Variants in CFAP251 observed in about 807,000 individuals in gnomAD.
The protein encoded by CFAP251 is cilia and flagella associated protein 251, also known as cilia- and flagella-associated protein 251.
Under a neutral mutation model 126.7 loss-of-function variants are expected in CFAP251, and 93 were observed. The observed-to-expected ratio is 0.73, with a 90% CI of 0.62 to 0.87. CFAP251 has a LOEUF of 0.87. Ranked by LOEUF, CFAP251 falls within the 40% of genes least tolerant of loss-of-function variation. The pLI, the probability that CFAP251 is intolerant of heterozygous loss-of-function variation, is 0.00. For synonymous variants in CFAP251, 503 were observed against 506.9 expected, an observed-to-expected ratio of 0.99 and a Z score of 0.10; for missense variants, 1,287 against 1,389.2, an observed-to-expected ratio of 0.93 and a Z score of 1.17.
Position 121,957,176 on chromosome 12 carries a change from T to A in CFAP251, c.1638T>A (p.Thr546=). 6.2e-7 allele frequency: 1 copy of A among 1,614,132 alleles called. No homozygotes were observed. The highest frequency in any genetic ancestry group is 8.5e-7 in the Non-Finnish European group (1 of 1,180,024). Residue 546 remains threonine (T), a synonymous_variant, in exon 11 of 22, where the codon ACT becomes ACA. Coordinates refer to ENST00000288912, the MANE Select transcript of CFAP251 (RefSeq NM_144668.6). ...YSHLKLGAIR[T]LSFSKTPATP... is the part of the protein sequence containing the mutation. ...ACTTGAAACTGGGCGCCATAAGAAC[T>A]CTGTCCTTTTCAAAGACCCCAGCAA...
rs2135741551 is a variant in CFAP251 at position 121,921,515 on chromosome 12, A to G, written c.210A>G (p.Lys70=). The G allele has an allele frequency of 2.8e-6, 2 of 709,620 alleles. No individual in the cohort carries two copies. Among genetic ancestry groups the G allele is most frequent in the Non-Finnish European group, 3.9e-6 (2 of 509,550 alleles). 44.0% of individuals were successfully genotyped at this position (709,620 alleles called of 1,614,324 possible). The change falls in exon 2 of 22, where the codon AAA becomes AAG. Residue 70 remains lysine, a synonymous_variant. Coordinates refer to ENST00000288912, the MANE Select transcript of CFAP251 (RefSeq NM_144668.6). ...GGGAGGAGGAGGGGAAGGAGGACAA[A>G]AAGATTGTCATGGAAGAAACTGAGG... ...EEGEEEGKED[K]KIVMEETEEK...
intron 16 of CFAP251, 111 bp downstream of exon 16, chr12:121,967,180 A>G (rs907974027): frequency 5.9e-5 from 55 of 933,386 alleles, no homozygotes; most frequent in East Asian, 1.6e-4. Context: ...GCCAAGCCCA[A>G]CTGCTTCCAC....
chr12:121,992,149 T>C, intron 19 of CFAP251: 1 of 964,814 alleles, frequency 1.0e-6, no homozygotes, highest in Non-Finnish European at 1.2e-6. Context: ...GCCGCTCAGC[T>C]AGGACTCCTG....
In CFAP251 at chr12:121,968,121, C is replaced by T. The variant is rs1882211857; in HGVS notation, c.2723C>T (p.Thr908Ile). ...AVSYDGCYAF[T>I]AGGHDRSVVQ... ...TCCTATGATGGCTGCTACGCCTTCACTGCGGGAGGGCACGATCGCTCGGTG... is the reference window on the plus strand; with the variant it reads ...TCCTATGATGGCTGCTACGCCTTCATTGCGGGAGGGCACGATCGCTCGGTG... Residue 908 changes from threonine to isoleucine, a missense_variant, in exon 17 of 22, where the codon ACT (threonine) becomes ATT (isoleucine). By Grantham distance (89) the Thr-to-Ile change is moderately conservative. Coordinates refer to ENST00000288912, the MANE Select transcript of CFAP251 (RefSeq NM_144668.6). 6.2e-7 allele frequency: 1 copy of T among 1,613,234 alleles called. No individual in the cohort carries two copies. Among genetic ancestry groups the T allele is most frequent in the Non-Finnish European group, 8.5e-7 (1 of 1,179,278 alleles).
chr12:121,993,201 G>A (rs1269712314), intron 19 of CFAP251, among the ~76,000 whole-genome samples: 968 of 104,138 alleles, frequency 9.3e-3, no homozygotes, highest in African/African-American at 0.013. Flanking sequence ...GCCCCTAACC[G>A]CGAGTGATCC....
chr12:121,979,288 C>CT (rs1193036075), intron 19 of CFAP251, among the ~76,000 whole-genome samples: 5 of 152,194 alleles, frequency 3.3e-5, no homozygotes, highest in Admixed American at 2.0e-4. Context: ...ATAAGCAACT[C>CT]TGAGAAAGTT....
intron 3 of CFAP251, among the ~76,000 whole-genome samples, chr12:121,927,049 A>G (rs1429234893): frequency 6.6e-6 from 1 of 152,160 alleles, no homozygotes; most frequent in South Asian, 2.1e-4. Flanking sequence ...ACCCCCACCC[A>G]ATCTCATTTC....
In CFAP251 at chr12:121,948,968, A is replaced by T; in HGVS notation, c.1192-16A>T. 6.9e-7 allele frequency: 1 copy of T among 1,452,616 alleles called. No individual in the cohort carries two copies. The allele number at this position is 1,452,616 out of a possible 1,614,324, so 90.0% of individuals were successfully genotyped here. ...GAAAATTTATCATTAATGTATTTTC[A>T]TACTTTATATTTCAGAACTACGTTA... On this transcript the variant is annotated splice_polypyrimidine_tract_variant and intron_variant, in intron 7 of 21. Transcript: ENST00000288912.
At position 121,954,111 on chromosome 12, in the gene CFAP251, T is replaced by C. The variant is rs777702640; in HGVS notation, c.1321-9T>C. 41 of 1,612,312 alleles carry C rather than the reference T, an allele frequency of 2.5e-5. No homozygotes were observed. The highest frequency in any genetic ancestry group is 3.5e-5 in the Non-Finnish European group (41 of 1,178,800). Reference sequence around the variant, plus strand: ...ACCAACAGTAACTATAACCTTTCTTTTGAAACAGACCTTCAACAAGCTTGT... The same window carrying C: ...ACCAACAGTAACTATAACCTTTCTTCTGAAACAGACCTTCAACAAGCTTGT... On this transcript the variant is annotated splice_polypyrimidine_tract_variant and intron_variant, in intron 9 of 21. Coordinates refer to ENST00000288912, the MANE Select transcript of CFAP251 (RefSeq NM_144668.6).
At chr12:121,996,043 G>C (rs529228726) in intron 19 of CFAP251, among the ~76,000 whole-genome samples, 1 of 152,300 alleles carries the variant, frequency 6.6e-6, no homozygotes, top group Admixed American at 6.5e-5. Flanking sequence ...AGATGTGAGG[G>C]TGAAGGGTAC....
intron 5 of CFAP251, 86 bp from the exon 6 acceptor site, chr12:121,942,448 T>C: frequency 1.2e-6 from 1 of 846,820 alleles, no homozygotes; most frequent in East Asian, 2.6e-5. Flanking sequence ...TTGGAGAGGT[T>C]TGGGCTGAGC....
chr12:121,935,084 G>A (rs886375751), intron 5 of CFAP251, among the ~76,000 whole-genome samples: 12 of 152,166 alleles, frequency 7.9e-5, no homozygotes, highest in African/African-American at 2.4e-4. Flanking sequence ...TTATAGGCAT[G>A]AGCCACCTTG....
rs1880802372 is a variant in CFAP251 at position 121,934,229 on chromosome 12, TTCTC to T, written c.889-15_889-12del. The stretch of plus-strand genomic sequence containing the variant: ...CGCATCTTGGATGTTTCAAAGCGTT[TTCTC>T]TCCATTTCCATAGGGCCACGCCAAT... On this transcript the variant is annotated splice_polypyrimidine_tract_variant and intron_variant, in intron 4 of 21. Transcript: ENST00000288912. 6.2e-7 allele frequency: 1 copy of T among 1,607,260 alleles called. No homozygotes were observed. Among genetic ancestry groups the T allele is most frequent in the South Asian group, 1.1e-5 (1 of 90,498 alleles).
chr12:121,969,935 C>G, intron 17 of CFAP251: 1 of 985,426 alleles, frequency 1.0e-6, no homozygotes, highest in Non-Finnish European at 1.2e-6. Flanking sequence ...GTGGTGGGGA[C>G]AAAGGATCAT....
chr12:121,978,900 A>G (rs983356042), intron 19 of CFAP251, among the ~76,000 whole-genome samples: 1 of 152,154 alleles, frequency 6.6e-6, no homozygotes, highest in Non-Finnish European at 1.5e-5. Context: ...CAAGAAGTAG[A>G]ATTACTGGGT....
In CFAP251 at chr12:121,960,612, A is replaced by G. The variant is rs1350578010; in HGVS notation, c.2161A>G (p.Met721Val). 2 of 1,614,058 alleles carry G rather than the reference A, an allele frequency of 1.2e-6. No individual in the cohort carries two copies. The highest frequency in any genetic ancestry group is 1.3e-5 in the African/African-American group (1 of 74,934). ...TAGAAGTTTTACTGTGGCTGTTTAC[A>G]TGCTGGTGGTCAGAAATGGACAGAG... ...ADRSFTVAVY[M>V]LVVRNGQRVW... Residue 721 changes from methionine (M) to valine (V), a missense_variant, in exon 14 of 22, where the codon ATG (methionine) becomes GTG (valine). Met to Val is a conservative substitution (Grantham distance 21). Transcript: ENST00000288912.
intron 15 of CFAP251, 66 bp downstream of exon 15, chr12:121,962,228 G>C: frequency 6.6e-7 from 1 of 1,508,382 alleles, no homozygotes; most frequent in Non-Finnish European, 9.1e-7. Context: ...ACCTGTTTCA[G>C]GTCTCCACAT....
At chr12:121,967,803 G>A (rs1474208708) in intron 16 of CFAP251, among the ~76,000 whole-genome samples, 1 of 152,232 alleles carries the variant, frequency 6.6e-6, no homozygotes, top group African/African-American at 2.4e-5. Context: ...CTGTGTACCT[G>A]TTAGAGCTGT....
Position 121,958,502 on chromosome 12 carries a change from G to A in CFAP251, c.1961G>A (p.Ser654Asn), listed in dbSNP as rs755484753. ...RVFEKGLGVQ[S>N]LTYNPEGALL... ...TTTGAGAAGGGGCTTGGAGTCCAGAGTCTGACCTACAACCCCGAAGGTATT... is the reference window on the plus strand; with the variant it reads ...TTTGAGAAGGGGCTTGGAGTCCAGAATCTGACCTACAACCCCGAAGGTATT... Residue 654 changes from serine to asparagine, a missense_variant, in exon 12 of 22, where the codon AGT (serine) becomes AAT (asparagine). Transcript: ENST00000288912. 54 of 1,614,218 alleles carry A rather than the reference G, an allele frequency of 3.3e-5. No homozygotes were observed. In the South Asian group the frequency reaches 5.8e-4, roughly 17 times the overall value.
Sources: gnomAD v4.1 joint callset for allele counts (sites outside exome capture counted in the v4.1 genomes callset) on GRCh38, gnomAD v4.1.1 for gene constraint, MANE v1.5 for transcripts, NCBI Gene and HGNC (gene_info 2026-07-23, HGNC 2026-07-21) for gene names.